Variants in USP25 observed in about 807,000 individuals in gnomAD.
The protein encoded by USP25 is ubiquitin specific peptidase 25, also known as ubiquitin carboxyl-terminal hydrolase 25.
In USP25, 85 loss-of-function variants were observed where a neutral mutation model predicts 158.5. That is an observed-to-expected ratio of 0.54 (90% CI 0.45 to 0.64). USP25 has a LOEUF of 0.64. Ranked by LOEUF, USP25 falls within the 30% of genes least tolerant of loss-of-function variation. USP25 has a pLI of 0.00. For missense variants in USP25, 1,242 were observed against 1,327.3 expected, an observed-to-expected ratio of 0.94 and a Z score of 1.00; for synonymous variants, 464 against 460.4, an observed-to-expected ratio of 1.01 and a Z score of -0.10.
intron 1 of USP25, among the ~76,000 whole-genome samples, chr21:15,753,370 A>G (rs1025667196): frequency 6.6e-6 from 1 of 152,198 alleles, no homozygotes. Context: ...AACAGGTGGC[A>G]AGGTAGGAGG....
chr21:15,861,709 G>GT (rs1192320632), intron 20 of USP25, among the ~76,000 whole-genome samples: 5 of 152,004 alleles, frequency 3.3e-5, no homozygotes, highest in Admixed American at 6.5e-5. Context: ...TAGTGAAAAT[G>GT]TTTTTTTGTA....
chr21:15,738,785 G>A (rs755017802), intron 1 of USP25, among the ~76,000 whole-genome samples: 1 of 152,140 alleles, frequency 6.6e-6, no homozygotes, highest in Non-Finnish European at 1.5e-5. Context: ...ACAGCCCAGG[G>A]CCACACCCTG....
In USP25 at chr21:15,805,204, A is replaced by C; in HGVS notation, c.726A>C (p.Pro242=). 1 of 1,608,990 alleles carries C rather than the reference A, an allele frequency of 6.2e-7. No individual in the cohort carries two copies. The highest frequency in any genetic ancestry group is 8.5e-7 in the Non-Finnish European group (1 of 1,178,008). ...GTACCAAAAGGAAGTATGTTGATCC[A>C]TCAAGAGCAGTTGAAATTCTTAAGG... is the stretch of plus-strand genomic sequence containing the variant. The part of the protein sequence containing the change: ...LVGTKRKYVD[P]SRAVEILKDA... Residue 242 remains proline (P), a synonymous_variant, in exon 7 of 26, where the codon CCA becomes CCC. Coordinates refer to ENST00000400183, the MANE Select transcript of USP25 (RefSeq NM_001283041.3).
chr21:15,782,381 A>G (rs2035014439), intron 4 of USP25, among the ~76,000 whole-genome samples: 1 of 151,940 alleles, frequency 6.6e-6, no homozygotes, highest in Non-Finnish European at 1.5e-5. Flanking sequence ...GTTTGGAGGC[A>G]CTCTTTCCGC....
intron 17 of USP25, among the ~76,000 whole-genome samples, chr21:15,834,440 T>G (rs2037962021): frequency 6.6e-6 from 1 of 152,206 alleles, no homozygotes; most frequent in South Asian, 2.1e-4. Context: ...GAATAACTTT[T>G]TTTTTTTGCA....
chr21:15,811,128 A>T lies in USP25; in HGVS notation c.858-9A>T. 2 of 1,601,590 alleles carry T rather than the reference A, an allele frequency of 1.2e-6. No individual in the cohort carries two copies. The highest frequency in any genetic ancestry group is 4.5e-5 in the East Asian group (2 of 44,740). On this transcript the variant is annotated splice_polypyrimidine_tract_variant and intron_variant, in intron 8 of 25. Coordinates refer to ENST00000400183, the MANE Select transcript of USP25 (RefSeq NM_001283041.3). ...TGTAATCACATTTATATTTTTTAAC[A>T]TACTTTAGGGATGAAGAGAAGCCAA...
In USP25 at chr21:15,766,024, G is replaced by A. The variant is rs75301395; in HGVS notation, c.151G>A (p.Val51Met). Residue 51 changes from valine to methionine, a missense_variant, in exon 3 of 26, where the codon GTG (valine) becomes ATG (methionine). Val to Met is a conservative substitution (Grantham distance 21). Transcript: ENST00000400183. The surrounding 1 kb of genome is among the most constrained non-coding windows in gnomAD (Gnocchi z 4.0). Reference protein sequence around the residue: ...KDSNGNLELAVAFLTAKNAKT... With the variant: ...KDSNGNLELAMAFLTAKNAKT... ...TAGTAATGGAAACTTGGAATTAGCA[G>A]TGGCTTTCCTTACTGCGAAGAATGC... 1 of 1,607,180 alleles carries A rather than the reference G, an allele frequency of 6.2e-7. No individual in the cohort carries two copies. The highest frequency in any genetic ancestry group is 8.5e-7 in the Non-Finnish European group (1 of 1,176,596).
At chr21:15,817,004 C>T (rs768070690) in intron 9 of USP25, among the ~76,000 whole-genome samples, 2 of 151,700 alleles carry the variant, frequency 1.3e-5, no homozygotes, top group African/African-American at 4.8e-5. Flanking sequence ...TGGTGGTGGG[C>T]GCCTGTAATC....
At chr21:15,801,685 G>A (rs543470783) in intron 6 of USP25, among the ~76,000 whole-genome samples, 5 of 151,516 alleles carry the variant, frequency 3.3e-5, no homozygotes, top group South Asian at 2.1e-4. Flanking sequence ...CCGCCAACTC[G>A]TGACATGTCT....
intron 16 of USP25, among the ~76,000 whole-genome samples, 186 bp from the exon 17 acceptor site, chr21:15,833,158 ATTTG>A (rs2037895992): frequency 6.6e-6 from 1 of 152,264 alleles, no homozygotes; most frequent in South Asian, 2.1e-4. Context: ...TTTTCTGAGC[ATTTG>A]TTTGAGTTTT....
chr21:15,784,737 A>G (rs1193602992), intron 4 of USP25, among the ~76,000 whole-genome samples: 2 of 152,202 alleles, frequency 1.3e-5, no homozygotes, highest in Non-Finnish European at 1.5e-5. Flanking sequence ...TGTTAGCTCC[A>G]TGGTAACCAC....
At chr21:15,748,259 G>A (rs1477424212) in intron 1 of USP25, among the ~76,000 whole-genome samples, 1 of 152,014 alleles carries the variant, frequency 6.6e-6, no homozygotes, top group Non-Finnish European at 1.5e-5. Flanking sequence ...AGAAAAACAG[G>A]TGTCAGGAAC....
At chr21:15,817,024 A>G (rs1220359093) in intron 9 of USP25, among the ~76,000 whole-genome samples, 2 of 151,944 alleles carry the variant, frequency 1.3e-5, no homozygotes, top group African/African-American at 4.8e-5. Context: ...CCCAGCTACT[A>G]GAGACGCTGA....
intron 1 of USP25, among the ~76,000 whole-genome samples, chr21:15,751,927 C>T (rs547659274): frequency 6.6e-6 from 1 of 152,094 alleles, no homozygotes; most frequent in Non-Finnish European, 1.5e-5. Context: ...TACTCTTTTA[C>T]ATTGTAATTA....
At chr21:15,786,362 A>C (rs547449082) in intron 4 of USP25, among the ~76,000 whole-genome samples, 80 of 152,306 alleles carry the variant, frequency 5.3e-4, no homozygotes, top group African/African-American at 1.9e-3. Flanking sequence ...TCCCTGATCA[A>C]CCTAGATGCA....
At chr21:15,783,462 C>A (rs2035084523) in intron 4 of USP25, among the ~76,000 whole-genome samples, 1 of 152,084 alleles carries the variant, frequency 6.6e-6, no homozygotes, top group Non-Finnish European at 1.5e-5. Context: ...CAAAGGTACA[C>A]AATTCTAAAA....
At chr21:15,757,024 G>A (rs371017518) in intron 1 of USP25, among the ~76,000 whole-genome samples, 29 of 151,926 alleles carry the variant, frequency 1.9e-4, no homozygotes, top group Non-Finnish European at 3.4e-4. Context: ...GGATCAGGGC[G>A]TATCACAGGT....
intron 23 of USP25, among the ~76,000 whole-genome samples, chr21:15,870,466 G>A (rs1601188612): frequency 6.6e-6 from 1 of 152,106 alleles, no homozygotes; most frequent in East Asian, 1.9e-4. Flanking sequence ...GTCTGTCTTT[G>A]TGAACTTTCA....
intron 1 of USP25, among the ~76,000 whole-genome samples, chr21:15,752,897 A>G (rs943180056): frequency 6.6e-6 from 1 of 152,238 alleles, no homozygotes; most frequent in African/African-American, 2.4e-5. Flanking sequence ...TCAATCTGTG[A>G]CAGTAGGATA....
Sources: allele counts gnomAD v4.1 joint callset (sites outside exome capture counted in the v4.1 genomes callset), GRCh38; gene constraint gnomAD v4.1.1; non-coding constraint Gnocchi (gnomAD v3.1); transcripts MANE v1.5; gene names NCBI Gene and HGNC (gene_info 2026-07-23, HGNC 2026-07-21).